The following LYPLAL1 variants were observed in gnomAD, a reference collection of about 807,000 sequenced individuals.
LYPLAL1 encodes the protein lysophospholipase-like protein 1.
In LYPLAL1, 23 loss-of-function variants were observed where a neutral mutation model predicts 19.7. The ratio of observed to expected loss-of-function variants is 1.17; its 90% CI spans 0.84 to 1.65. The LOEUF is 1.65. Ranked by LOEUF, LYPLAL1 falls within the 40% of genes most tolerant of loss-of-function variation. The pLI is 0.00. For missense variants in LYPLAL1, 355 were observed against 279.4 expected (o/e 1.27, Z -1.93); for synonymous variants, 119 against 96.3 (o/e 1.24, Z -1.38).
At chr1:219,396,236 A>G in the LYPLAL1 span, among the ~76,000 whole-genome samples, 1 of 152,070 alleles carries the variant, frequency 6.6e-6, no homozygotes, top group Non-Finnish European at 1.5e-5. Context: ...CGAAGATAAG[A>G]CAGTTGTAGA....
the LYPLAL1 span, among the ~76,000 whole-genome samples, chr1:219,303,394 TA>T: frequency 6.6e-6 from 1 of 152,174 alleles, no homozygotes; most frequent in Non-Finnish European, 1.5e-5. Flanking sequence ...CTGAGGGAAA[TA>T]AAACCAGGTG....
chr1:219,357,443 A>C, the LYPLAL1 span, among the ~76,000 whole-genome samples: 1 of 152,236 alleles, frequency 6.6e-6, no homozygotes, highest in Admixed American at 6.5e-5. Context: ...GCATATGAAC[A>C]TATGCTTCAC....
the LYPLAL1 span, among the ~76,000 whole-genome samples, chr1:219,228,937 A>G: frequency 6.6e-6 from 1 of 151,978 alleles, no homozygotes. Context: ...CCTAGGCCTC[A>G]CAAAGTGCTA....
chr1:219,273,848 G>A, the LYPLAL1 span, among the ~76,000 whole-genome samples: 4 of 152,146 alleles, frequency 2.6e-5, no homozygotes, highest in Admixed American at 1.3e-4. Context: ...TGCAACCTCC[G>A]CCTCCCAGGT....
At chr1:219,369,328 G>A in the LYPLAL1 span, among the ~76,000 whole-genome samples, 2 of 152,240 alleles carry the variant, frequency 1.3e-5, no homozygotes, top group South Asian at 2.1e-4. Context: ...CTGGAGTGCA[G>A]TGGCATGATC....
the LYPLAL1 span, chr1:219,273,201 C>A: frequency 2.0e-5 from 3 of 152,104 alleles, no homozygotes; most frequent in Non-Finnish European, 4.4e-5. Context: ...TAAGTAATTG[C>A]CTGGAAAAGG....
At chr1:219,192,939 A>G in intron 2 of LYPLAL1, 143 bp from the exon 3 acceptor site, 1 of 768,706 alleles carries the variant, frequency 1.3e-6, no homozygotes, top group African/African-American at 1.8e-5. Flanking sequence ...ACATGAGAGT[A>G]GTTTTAATAT....
chr1:219,366,016 G>T, the LYPLAL1 span, among the ~76,000 whole-genome samples: 1 of 152,098 alleles, frequency 6.6e-6, no homozygotes, highest in Non-Finnish European at 1.5e-5. Context: ...CCTTATCTCA[G>T]TTCTGGTTAG....
the LYPLAL1 span, among the ~76,000 whole-genome samples, chr1:219,386,741 G>A: frequency 2.6e-5 from 4 of 152,118 alleles, no homozygotes; most frequent in Non-Finnish European, 5.9e-5. Flanking sequence ...ACCCAAATCT[G>A]CCCCCTTTCT....
the LYPLAL1 span, among the ~76,000 whole-genome samples, chr1:219,372,807 G>C: frequency 6.6e-6 from 1 of 152,138 alleles, no homozygotes. Flanking sequence ...GGGAGGCTGA[G>C]GTGGGAGGAT....
the LYPLAL1 span, among the ~76,000 whole-genome samples, chr1:219,274,104 G>A: frequency 1.3e-5 from 2 of 152,186 alleles, no homozygotes; most frequent in Non-Finnish European, 2.9e-5. Flanking sequence ...AGCTGTAAAG[G>A]AATGAAGAGA....
chr1:219,179,281 T>C lies in LYPLAL1; in HGVS notation c.191+35T>C, dbSNP rs1197881541. 2.1e-6 allele frequency: 3 copies of C among 1,438,842 alleles called. No homozygotes were observed. In the South Asian group the frequency reaches 3.5e-5, roughly 17 times the overall value. The allele number at this position is 1,438,842 out of a possible 1,614,324, so 89.1% of individuals were successfully genotyped here. On this transcript the variant is annotated intron_variant, in intron 2 of 4. Coordinates refer to ENST00000366928, the MANE Select transcript of LYPLAL1 (RefSeq NM_138794.5). Reference sequence around the variant, plus strand: ...AATTTATCTCACTTGTCAATATAACTCTGTGGCATAAAATATATATAGAGA... The same window carrying C: ...AATTTATCTCACTTGTCAATATAACCCTGTGGCATAAAATATATATAGAGA...
the LYPLAL1 span, among the ~76,000 whole-genome samples, chr1:219,318,163 A>G: frequency 2.0e-5 from 3 of 152,116 alleles, no homozygotes; most frequent in Admixed American, 2.0e-4. Context: ...CTCTGGGATT[A>G]AAAAAAGGAA....
the LYPLAL1 span, among the ~76,000 whole-genome samples, chr1:219,258,319 A>G: frequency 6.6e-6 from 1 of 152,078 alleles, no homozygotes. Flanking sequence ...GATTAAAGTA[A>G]TTTCTTACAC....
At chr1:219,306,869 C>CAGACAGACAGACAGAT in the LYPLAL1 span, among the ~76,000 whole-genome samples, 9 of 143,798 alleles carry the variant, frequency 6.3e-5, no homozygotes, top group Admixed American at 1.4e-4. Context: ...GACAGACAGA[C>CAGACAGACAGACAGAT]AGATAGATAG....
the LYPLAL1 span, among the ~76,000 whole-genome samples, chr1:219,346,004 C>T: frequency 6.6e-6 from 1 of 152,120 alleles, no homozygotes; most frequent in African/African-American, 2.4e-5. Flanking sequence ...TGGAGTTGTA[C>T]AAGGAAAGGC....
rs766913310 is a variant in LYPLAL1 at position 219,211,675 on chromosome 1, T to TC, written c.661_662insC (p.Leu221SerfsTer26). On this transcript the variant is annotated frameshift_variant, in exon 5 of 5. Transcript: ENST00000366928. LOFTEE classifies it high-confidence loss of function. Reference sequence around the variant, plus strand: ...GCTAAGCAAAACTGAGTTAGACATATTGAAGTTATGGATTCTTACAAAGCT... The same window carrying TC: ...GCTAAGCAAAACTGAGTTAGACATATCTGAAGTTATGGATTCTTACAAAGCT... The TC allele has an allele frequency of 1.2e-6, 2 of 1,612,716 alleles. No individual in the cohort carries two copies. Among genetic ancestry groups the TC allele is most frequent in the Non-Finnish European group, 1.7e-6 (2 of 1,179,378 alleles).
chr1:219,193,048 T>TC lies in LYPLAL1; in HGVS notation c.192-33dup. On this transcript the variant is annotated intron_variant, in intron 2 of 4. Transcript: ENST00000366928. ...TCCATTTTCATATTCCCTTTTCCTT[T>TC]CTTTTTTTTTGGGGGGGGGCGGTTG... 2.4e-6 allele frequency: 3 copies of TC among 1,242,394 alleles called. No homozygotes were observed. In the South Asian group the frequency reaches 4.0e-5, roughly 16 times the overall value. The allele number at this position is 1,242,394 out of a possible 1,614,324, so 77.0% of individuals were successfully genotyped here.
the LYPLAL1 span, among the ~76,000 whole-genome samples, chr1:219,333,177 A>G: frequency 3.3e-5 from 5 of 151,990 alleles, no homozygotes; most frequent in African/African-American, 1.2e-4. Context: ...TAATCTCCCT[A>G]TTTCAAGGAT....
Sources: gnomAD v4.1 joint callset for allele counts (sites outside exome capture counted in the v4.1 genomes callset) on GRCh38, gnomAD v4.1.1 for gene constraint, MANE v1.5 for transcripts, NCBI Gene and HGNC (gene_info 2026-07-23, HGNC 2026-07-21) for gene names.